WDR7: variants seen among roughly 807,000 people sequenced by gnomAD.
WDR7 encodes WD repeat domain 7, also known as WD repeat-containing protein 7.
Under a neutral mutation model 169.4 loss-of-function variants are expected in WDR7, and 46 were observed. That is an observed-to-expected ratio of 0.27 (90% CI 0.21 to 0.35). The LOEUF is 0.35. Among genes scored for constraint, WDR7 ranks in the 10% least tolerant of loss-of-function variants. WDR7 has a pLI of 1.00. For synonymous variants in WDR7, 612 were observed against 666.8 expected (o/e 0.92, Z 1.27); for missense variants, 1,534 against 1,859.3 (o/e 0.83, Z 3.22).
rs377720821 is a variant in WDR7 at position 56,736,328 on chromosome 18, A to AT, written c.1989+4735dup. Among the ~76,000 whole-genome samples, 371 of 152,254 alleles carry AT rather than the reference A, an allele frequency of 2.4e-3. 1 individual carries two copies. The highest frequency in any genetic ancestry group is 8.3e-3 in the African/African-American group (344 of 41,546). On this transcript the variant is annotated intron_variant, in intron 14 of 27. Transcript: ENST00000254442. ...AAAATGAATGAATTATACTTAGTAC[A>AT]TTTTGACAACTGGTAATGCATTGCA...
intron 20 of WDR7, among the ~76,000 whole-genome samples, chr18:56,862,513 A>G (rs2045822037): frequency 6.6e-6 from 1 of 151,666 alleles, no homozygotes; most frequent in African/African-American, 2.4e-5. Context: ...TTGAAATGTG[A>G]TAAAGCTTAA....
At chr18:56,857,581 G>C (rs1024703829) in intron 20 of WDR7, among the ~76,000 whole-genome samples, 8 of 151,938 alleles carry the variant, frequency 5.3e-5, no homozygotes, top group Non-Finnish European at 1.0e-4. Context: ...TTACGTACAC[G>C]CCTATGCATA....
In WDR7 at chr18:56,853,702, C is replaced by A. The variant is rs575133707; in HGVS notation, c.3305-26242C>A. Among the ~76,000 whole-genome samples, 313 of 152,110 alleles carry A rather than the reference C, an allele frequency of 2.1e-3. 1 individual carries two copies. Among genetic ancestry groups the A allele is most frequent in the Non-Finnish European group, 2.6e-3 (177 of 67,990 alleles). On this transcript the variant is annotated intron_variant, in intron 20 of 27. Coordinates refer to ENST00000254442, the MANE Select transcript of WDR7 (RefSeq NM_015285.3). ...TTTTGAATTTTGTGAATGTTGTTCA[C>A]CTGTTTTTTGTTGTTTATTTGTTTT...
chr18:56,842,927 A>T (rs971908057), intron 20 of WDR7, among the ~76,000 whole-genome samples: 1 of 152,232 alleles, frequency 6.6e-6, no homozygotes, highest in Non-Finnish European at 1.5e-5. Context: ...CAGACATTTT[A>T]CACCAAAAAA....
intron 12 of WDR7, among the ~76,000 whole-genome samples, chr18:56,713,535 T>C (rs1002593721): frequency 5.3e-5 from 8 of 152,324 alleles, no homozygotes; most frequent in African/African-American, 1.9e-4. Flanking sequence ...ATTTTTCAAA[T>C]AAGTTTAAAG....
At chr18:56,736,077 G>C (rs2026692485) in intron 14 of WDR7, among the ~76,000 whole-genome samples, 1 of 152,168 alleles carries the variant, frequency 6.6e-6, no homozygotes, top group Non-Finnish European at 1.5e-5. Flanking sequence ...TCTATAACTT[G>C]CTAGCCGTGG....
intron 20 of WDR7, among the ~76,000 whole-genome samples, chr18:56,818,530 C>T (rs559643435): frequency 6.6e-5 from 10 of 152,162 alleles, no homozygotes; most frequent in East Asian, 1.9e-4. Context: ...GTTCAATATC[C>T]GAAGAACTTA....
At chr18:56,654,044 A>G (rs2144396769) in intron 1 of WDR7, among the ~76,000 whole-genome samples, 1 of 152,320 alleles carries the variant, frequency 6.6e-6, no homozygotes, top group African/African-American at 2.4e-5. Flanking sequence ...TCAGTGCTCC[A>G]ATTTTTCCAG....
rs775428091 is a variant in WDR7 at position 56,677,734 on chromosome 18, G to A, written c.160-1598G>A. Among the ~76,000 whole-genome samples, 8 of 152,152 alleles carry A rather than the reference G, an allele frequency of 5.3e-5. No homozygotes were observed. In the East Asian group the frequency reaches 5.8e-4, roughly 11 times the overall value. ...TCTGGGAGTTTGATTATTAAATACC[G>A]TGAGGTAGTCATCTTTGGGTTAAAT... On this transcript the variant is annotated intron_variant, in intron 2 of 27. Coordinates refer to ENST00000254442, the MANE Select transcript of WDR7 (RefSeq NM_015285.3).
At chr18:57,001,718 A>G (rs1396107738) in intron 26 of WDR7, among the ~76,000 whole-genome samples, 1 of 152,182 alleles carries the variant, frequency 6.6e-6, no homozygotes, top group Non-Finnish European at 1.5e-5. Context: ...TTCCCCTGAC[A>G]ATCACCAATC....
At chr18:56,843,150 A>G (rs1335393694) in intron 20 of WDR7, among the ~76,000 whole-genome samples, 2 of 152,186 alleles carry the variant, frequency 1.3e-5, no homozygotes, top group Non-Finnish European at 2.9e-5. Flanking sequence ...TAATTAAATG[A>G]ATATTTGCCT....
At chr18:56,877,312 T>A (rs960800822) in intron 20 of WDR7, among the ~76,000 whole-genome samples, 1 of 152,158 alleles carries the variant, frequency 6.6e-6, no homozygotes, top group African/African-American at 2.4e-5. Flanking sequence ...CTATTTATAA[T>A]AAATATTCCT....
chr18:56,796,720 A>G (rs748909718), intron 19 of WDR7, among the ~76,000 whole-genome samples: 2 of 152,180 alleles, frequency 1.3e-5, no homozygotes, highest in Non-Finnish European at 2.9e-5. Context: ...ATGAACTATG[A>G]TCAGTTCTTT....
intron 26 of WDR7, among the ~76,000 whole-genome samples, chr18:56,991,352 A>G (rs1008010379): frequency 3.3e-5 from 5 of 152,002 alleles, no homozygotes; most frequent in Non-Finnish European, 7.4e-5. Context: ...TCACCGTGTT[A>G]GCCAGGATGG....
chr18:56,935,947 G>C (rs769692536), intron 23 of WDR7, 42 bp downstream of exon 23: 2 of 1,541,592 alleles, frequency 1.3e-6, no homozygotes, highest in African/African-American at 1.4e-5. Flanking sequence ...CTCATTTAGA[G>C]GAATTATTTG....
chr18:56,817,857 G>T (rs547708776), intron 20 of WDR7, among the ~76,000 whole-genome samples: 1 of 151,454 alleles, frequency 6.6e-6, no homozygotes, highest in African/African-American at 2.4e-5. Context: ...CAATTCTCCT[G>T]CCTCAGCCTC....
chr18:56,921,997 C>A (rs1359321186), intron 21 of WDR7, among the ~76,000 whole-genome samples: 1 of 152,112 alleles, frequency 6.6e-6, no homozygotes, highest in African/African-American at 2.4e-5. Flanking sequence ...ACTTTACCTC[C>A]TTTTGCAATA....
rs896676256 is a variant in WDR7 at position 56,949,579 on chromosome 18, G to A, written c.4064+10186G>A. On this transcript the variant is annotated intron_variant, in intron 25 of 27. Coordinates refer to ENST00000254442, the MANE Select transcript of WDR7 (RefSeq NM_015285.3). ...GCGCAGACGTGTAGTTGAAAAGTGA[G>A]GAATGTTTTAATAGCCTTTTCAGGT... 3.3e-4 allele frequency among the ~76,000 whole-genome samples: 50 copies of A among 152,186 alleles called. 1 individual carries two copies. The highest frequency in any genetic ancestry group is 1.5e-4 in the Non-Finnish European group (10 of 68,032).
Position 56,757,313 on chromosome 18 carries a change from C to T in WDR7, c.2720C>T (p.Ala907Val), listed in dbSNP as rs141700865. 65 of 1,612,548 alleles carry T rather than the reference C, an allele frequency of 4.0e-5. No homozygotes were observed. In the African/African-American group the frequency reaches 7.5e-4, roughly 19 times the overall value. The change falls in exon 15 of 28, where the codon GCA (alanine) becomes GTA (valine). Residue 907 changes from alanine (A) to valine (V), a missense_variant. Ala to Val is a moderately conservative substitution (Grantham distance 64). Transcript: ENST00000254442. ...LANTLMSMTNATFIGDHMKKG... is the reference protein window; with the variant it reads ...LANTLMSMTNVTFIGDHMKKG... ...AATACTTTAATGAGTATGACCAATG[C>T]AACTTTTATTGGTGATCATATGAAG...
Sources: gnomAD v4.1 joint callset for allele counts (sites outside exome capture counted in the v4.1 genomes callset) on GRCh38, gnomAD v4.1.1 for gene constraint, MANE v1.5 for transcripts, NCBI Gene and HGNC (gene_info 2026-07-23, HGNC 2026-07-21) for gene names.